The following CACNA2D4 variants were observed in gnomAD, a reference collection of about 807,000 sequenced individuals.
CACNA2D4 encodes the protein calcium voltage-gated channel auxiliary subunit alpha2delta 4, also known as voltage-dependent calcium channel subunit alpha-2/delta-4.
CACNA2D4 carries 157 observed loss-of-function variants against 163.8 expected under a neutral mutation model. That is an observed-to-expected ratio of 0.96 (90% CI 0.84 to 1.09). CACNA2D4 has a LOEUF of 1.09. Among genes scored for constraint, CACNA2D4 ranks in the 50% least tolerant of loss-of-function variants. The probability of loss-of-function intolerance (pLI) is 0.00; values close to 1 mark genes in which losing one functional copy is unlikely to be tolerated. For synonymous variants in CACNA2D4, 598 were observed against 586.9 expected, an observed-to-expected ratio of 1.02 and a Z score of -0.27; for missense variants, 1,410 against 1,479.9, an observed-to-expected ratio of 0.95 and a Z score of 0.78.
At chr12:1,894,842 A>G (rs1209374358) in intron 6 of CACNA2D4, among the ~76,000 whole-genome samples, 2 of 152,194 alleles carry the variant, frequency 1.3e-5, no homozygotes, top group African/African-American at 4.8e-5. Flanking sequence ...AAAGATGCCC[A>G]CTTTCACCAC....
intron 35 of CACNA2D4, among the ~76,000 whole-genome samples, chr12:1,796,211 G>C (rs1418123340): frequency 2.6e-5 from 4 of 152,210 alleles, no homozygotes; most frequent in Non-Finnish European, 4.4e-5. Context: ...GTGGCCCCGC[G>C]CTCGGCGAGG....
intron 14 of CACNA2D4, 84 bp from the exon 15 acceptor site, chr12:1,879,120 T>A: frequency 9.1e-7 from 1 of 1,097,212 alleles, no homozygotes; most frequent in South Asian, 1.3e-5. Flanking sequence ...GTCCAGAGCC[T>A]GGAAGAGGAA....
At chr12:1,847,372 G>A (rs1187654240) in intron 23 of CACNA2D4, among the ~76,000 whole-genome samples, 2 of 152,238 alleles carry the variant, frequency 1.3e-5, no homozygotes, top group African/African-American at 4.8e-5. Context: ...CCAAGGGTGT[G>A]TGCTATAGTG....
In CACNA2D4 at chr12:1,887,067, T is replaced by C; in HGVS notation, c.784A>G (p.Ile262Val). The C allele has an allele frequency of 6.3e-7, 1 of 1,582,944 alleles. No individual in the cohort carries two copies. The highest frequency in any genetic ancestry group is 8.6e-7 in the Non-Finnish European group (1 of 1,161,250). ...CCATTCTCATCAGGTGTCCATTTTATACCTGGGAGAATAAAGACTCGTTCT... is the reference window on the plus strand; with the variant it reads ...CCATTCTCATCAGGTGTCCATTTTACACCTGGGAGAATAAAGACTCGTTCT... ...ATGFFRIYPGIKWTPDENGVI... is the reference protein window; with the variant it reads ...ATGFFRIYPGVKWTPDENGVI... The change falls in exon 7 of 38, where the codon ATA (isoleucine) becomes GTA (valine). Residue 262 changes from isoleucine (I) to valine (V), a missense_variant and splice_region_variant. Physicochemically the swap from Ile to Val is conservative, Grantham distance 29 (BLOSUM62 3). Coordinates refer to ENST00000382722, the MANE Select transcript of CACNA2D4 (RefSeq NM_172364.5).
chr12:1,887,382 A>G (rs1448216632), intron 6 of CACNA2D4, among the ~76,000 whole-genome samples: 1 of 152,232 alleles, frequency 6.6e-6, no homozygotes, highest in Non-Finnish European at 1.5e-5. Flanking sequence ...GAGAAGTGTG[A>G]CTTTTAACAT....
chr12:1,802,848 G>A lies in CACNA2D4; in HGVS notation c.2722-1204C>T, dbSNP rs150858868. On this transcript the variant is annotated intron_variant, in intron 29 of 37. Transcript: ENST00000382722. The surrounding 1 kb of genome is among the most constrained non-coding windows in gnomAD (Gnocchi z 4.7). Reference sequence around the variant, plus strand: ...AGAACAAGGCCTTCCTCTGCACACCGGCAGCCTGTGGAGTCCTAGTCTCAC... The same window carrying A: ...AGAACAAGGCCTTCCTCTGCACACCAGCAGCCTGTGGAGTCCTAGTCTCAC... Among the ~76,000 whole-genome samples, 250 of 152,228 alleles carry A rather than the reference G, an allele frequency of 1.6e-3. 1 individual carries two copies. Among genetic ancestry groups the A allele is most frequent in the African/African-American group, 5.7e-3 (235 of 41,540 alleles).
rs1169772511 is a variant in CACNA2D4, at chr12:1,833,566, C to G, written c.2551+7173G>C. Among the ~76,000 whole-genome samples the G allele has an allele frequency of 1.3e-5, 2 of 152,212 alleles. No individual in the cohort carries two copies. The highest frequency in any genetic ancestry group is 4.8e-5 in the African/African-American group (2 of 41,454). ...GGCCTCGTGTGCCTCCAGGATTCCC[C>G]CTCCAGATGCCTTTGTACTTACAGG... is the stretch of plus-strand genomic sequence containing the variant. On this transcript the variant is annotated intron_variant, in intron 26 of 37. Transcript: ENST00000382722. The surrounding 1 kb of genome is among the most constrained non-coding windows in gnomAD (Gnocchi z 4.2).
chr12:1,914,850 T>C lies in CACNA2D4; in HGVS notation c.309+4A>G, dbSNP rs1866925092. ...GGTGGGCTCTCTGGAAGGGGGTGAC[T>C]GACCTTCTGCAGCAAGAGAGAGCCT... is the stretch of plus-strand genomic sequence containing the variant. On this transcript the variant is annotated splice_donor_region_variant and intron_variant, in intron 2 of 37. Transcript: ENST00000382722. 1.9e-6 allele frequency: 3 copies of C among 1,610,204 alleles called. No individual in the cohort carries two copies. The highest frequency in any genetic ancestry group is 2.6e-6 in the Non-Finnish European group (3 of 1,176,452).
rs1865852540 is a variant in CACNA2D4 at position 1,874,919 on chromosome 12, T to C, written c.1807-244A>G. ...ATGCATTGGGGTACAGAGTGCCAAGTTGCTGGGACATAATTTCCTCTAGGA... is the reference window on the plus strand; with the variant it reads ...ATGCATTGGGGTACAGAGTGCCAAGCTGCTGGGACATAATTTCCTCTAGGA... On this transcript the variant is annotated intron_variant, in intron 17 of 37. Transcript: ENST00000382722. This position sits in a 1 kb window ranked among gnomAD's most constrained non-coding sequence, Gnocchi z 4.4. Among the ~76,000 whole-genome samples, 1 of 152,168 alleles carries C rather than the reference T, an allele frequency of 6.6e-6. No individual in the cohort carries two copies. Among genetic ancestry groups the C allele is most frequent in the Non-Finnish European group, 1.5e-5 (1 of 68,036 alleles).
chr12:1,816,780 A>G (rs1050642934), intron 26 of CACNA2D4, among the ~76,000 whole-genome samples: 4 of 152,028 alleles, frequency 2.6e-5, no homozygotes, highest in Non-Finnish European at 5.9e-5. Flanking sequence ...GGACACACAC[A>G]TATATGCACA....
Position 1,834,126 on chromosome 12 carries a change from T to C in CACNA2D4, c.2551+6613A>G. The C allele has an allele frequency of 1.0e-6, 1 of 978,220 alleles. No homozygotes were observed. The highest frequency in any genetic ancestry group is 1.4e-6 in the Non-Finnish European group (1 of 691,688). 60.6% of individuals were successfully genotyped at this position (978,220 alleles called of 1,614,324 possible). A position where few individuals can be genotyped will look rare whatever the true frequency, so the allele number is the denominator to read the frequency against. On this transcript the variant is annotated intron_variant, in intron 26 of 37. Coordinates refer to ENST00000382722, the MANE Select transcript of CACNA2D4 (RefSeq NM_172364.5). The surrounding 1 kb of genome is among the most constrained non-coding windows in gnomAD (Gnocchi z 7.6). ...GTTTTCCCTCCTCCGCTTCCTCTTC[T>C]ATAGATGGTGATTCCAGGATTGACT...
At chr12:1,826,406 C>CT (rs924965935) in intron 26 of CACNA2D4, among the ~76,000 whole-genome samples, 5 of 56,922 alleles carry the variant, frequency 8.8e-5, no homozygotes, top group African/African-American at 1.9e-4. Context: ...CAGAGCCCCC[C>CT]CCCCCCCCCC....
intron 26 of CACNA2D4, among the ~76,000 whole-genome samples, chr12:1,823,537 A>G (rs1164223844): frequency 2.0e-5 from 3 of 151,658 alleles, no homozygotes; most frequent in Non-Finnish European, 2.9e-5. Context: ...CCCTGCTCCT[A>G]CTGGGGCCTC....
At chr12:1,817,515 G>A (rs369907154) in intron 26 of CACNA2D4, among the ~76,000 whole-genome samples, 38 of 152,158 alleles carry the variant, frequency 2.5e-4, no homozygotes, top group South Asian at 8.3e-4. Context: ...CTCTTTCCCC[G>A]GTCTCCCTCT....
At chr12:1,848,978 C>T (rs982105701) in intron 23 of CACNA2D4, among the ~76,000 whole-genome samples, 3 of 152,148 alleles carry the variant, frequency 2.0e-5, no homozygotes, top group Non-Finnish European at 4.4e-5. Flanking sequence ...CTCCAGCTGG[C>T]TCTGGGGTCC....
chr12:1,893,747 G>T (rs557716145), intron 6 of CACNA2D4, among the ~76,000 whole-genome samples: 1 of 152,084 alleles, frequency 6.6e-6, no homozygotes, highest in Non-Finnish European at 1.5e-5. Flanking sequence ...AAACTTGTGG[G>T]ATACAGTAAA....
At position 1,878,282 on chromosome 12, in the gene CACNA2D4, A is replaced by G. The variant is rs1385350958; in HGVS notation, c.1719+33T>C. The G allele has an allele frequency of 3.1e-6, 5 of 1,592,152 alleles. No individual in the cohort carries two copies. Among genetic ancestry groups the G allele is most frequent in the Non-Finnish European group, 4.3e-6 (5 of 1,168,928 alleles). ...GAATTACCCCCAAATCCCATACAGT[A>G]AGGATCCCAAGGCAAAGAAGATCTG... On this transcript the variant is annotated intron_variant, in intron 16 of 37. Transcript: ENST00000382722. The surrounding 1 kb of genome is among the most constrained non-coding windows in gnomAD (Gnocchi z 4.6).
rs563332548 is a variant in CACNA2D4 at position 1,844,850 on chromosome 12, A to G, written c.2343-321T>C. On this transcript the variant is annotated intron_variant, in intron 24 of 37. Transcript: ENST00000382722. The surrounding 1 kb of genome is among the most constrained non-coding windows in gnomAD (Gnocchi z 4.2). Reference sequence around the variant, plus strand: ...ATTTCTTCTTGTCTGGCTCGTTGGCACGTCTGAGGGAGGAAGCTGTAGTCA... The same window carrying G: ...ATTTCTTCTTGTCTGGCTCGTTGGCGCGTCTGAGGGAGGAAGCTGTAGTCA... Among the ~76,000 whole-genome samples the G allele has an allele frequency of 2.6e-4, 40 of 152,286 alleles. No homozygotes were observed. Among genetic ancestry groups the G allele is most frequent in the African/African-American group, 9.6e-4 (40 of 41,552 alleles).
rs942626903 is a variant in CACNA2D4, at chr12:1,869,363, C to G, written c.1878+5241G>C. ...ACCGTCGTGCTTTCTAGGCATGGGCCGAAGCCAGATTCAAAGCCACCCGCT... is the reference window on the plus strand; with the variant it reads ...ACCGTCGTGCTTTCTAGGCATGGGCGGAAGCCAGATTCAAAGCCACCCGCT... On this transcript the variant is annotated intron_variant, in intron 18 of 37. Coordinates refer to ENST00000382722, the MANE Select transcript of CACNA2D4 (RefSeq NM_172364.5). The surrounding 1 kb of genome is among the most constrained non-coding windows in gnomAD (Gnocchi z 4.7). Among the ~76,000 whole-genome samples the G allele has an allele frequency of 7.2e-5, 11 of 152,318 alleles. No individual in the cohort carries two copies. The South Asian group carries it at 1.5e-3, about 20-fold the overall frequency.
Sources: gnomAD v4.1 joint callset for allele counts (sites outside exome capture counted in the v4.1 genomes callset) on GRCh38, gnomAD v4.1.1 for gene constraint, Gnocchi (gnomAD v3.1) non-coding constraint, MANE v1.5 for transcripts, NCBI Gene and HGNC (gene_info 2026-07-23, HGNC 2026-07-21) for gene names.